Variants in CHODL observed in about 807,000 individuals in gnomAD.
CHODL encodes chondrolectin, also known as transmembrane protein MT75.
In CHODL, 29 loss-of-function variants were observed where a neutral mutation model predicts 34.5. That is an observed-to-expected ratio of 0.84 (90% CI 0.63 to 1.15). The LOEUF (loss-of-function observed/expected upper bound fraction) is 1.15, where lower values mean the gene tolerates loss of function less well. Ranked by LOEUF, CHODL falls within the 50% of genes most tolerant of loss-of-function variation. CHODL has a pLI of 0.00. For missense variants in CHODL, 332 were observed against 332.5 expected (o/e 1.00, Z 0.01); for synonymous variants, 125 against 116.1 (o/e 1.08, Z -0.49).
chr21:18,037,400 A>G (rs1972130542), intron 2 of CHODL, among the ~76,000 whole-genome samples: 1 of 151,900 alleles, frequency 6.6e-6, no homozygotes, highest in Non-Finnish European at 1.5e-5. Context: ...ATAGATCCTA[A>G]AATGGTAGAG....
chr21:18,013,667 C>G (rs2064042610), intron 1 of CHODL, among the ~76,000 whole-genome samples: 1 of 19,178 alleles, frequency 5.2e-5, no homozygotes, highest in African/African-American at 2.8e-4. Context: ...CAGAGTCTTG[C>G]TCTGTTGCCC....
Position 17,956,101 on chromosome 21 carries a change from C to T in CHODL, c.-145+38701C>T, listed in dbSNP as rs1228087934. On this transcript the variant is annotated intron_variant, in intron 1 of 6. Transcript: ENST00000400127. ...ATATAGTTTGAATATTTGTCTGCAT[C>T]CAAATCTCATGTTGAGATGTAATCC... Among the ~76,000 whole-genome samples, 2 of 136,422 alleles carry T rather than the reference C, an allele frequency of 1.5e-5. 1 individual carries two copies. Among genetic ancestry groups the T allele is most frequent in the Non-Finnish European group, 3.3e-5 (2 of 60,070 alleles). The allele number at this position is 136,422 out of a possible 152,430, so 89.5% of individuals were successfully genotyped here.
intron 2 of CHODL, among the ~76,000 whole-genome samples, chr21:18,152,886 G>A (rs999898515): frequency 6.6e-6 from 1 of 152,196 alleles, no homozygotes; most frequent in African/African-American, 2.4e-5. Context: ...TCTGACAGAA[G>A]TTAAGAGAAG....
At chr21:18,258,524 C>A (rs1452383316) in intron 3 of CHODL, among the ~76,000 whole-genome samples, 4 of 152,028 alleles carry the variant, frequency 2.6e-5, no homozygotes, top group Non-Finnish European at 5.9e-5. Flanking sequence ...ATTTAGGACA[C>A]TGTAAATCTT....
chr21:18,130,720 T>C (rs1232127593), intron 2 of CHODL, among the ~76,000 whole-genome samples: 1 of 152,192 alleles, frequency 6.6e-6, no homozygotes, highest in Non-Finnish European at 1.5e-5. Flanking sequence ...ATGTAGGATA[T>C]TACCCCCAAA....
intron 2 of CHODL, among the ~76,000 whole-genome samples, chr21:18,070,978 G>A (rs1005503539): frequency 6.6e-6 from 1 of 151,252 alleles, no homozygotes; most frequent in Non-Finnish European, 1.5e-5. Flanking sequence ...TTCTAAACTA[G>A]TAAATCGCAG....
intron 1 of CHODL, among the ~76,000 whole-genome samples, chr21:18,251,310 G>A (rs976119131): frequency 2.0e-5 from 3 of 149,042 alleles, no homozygotes; most frequent in Non-Finnish European, 4.5e-5. Flanking sequence ...AAATAAAAGG[G>A]CCTGTTTATT....
intron 2 of CHODL, among the ~76,000 whole-genome samples, chr21:18,193,712 AAAATAAATAAAT>A (rs199894126): frequency 2.7e-4 from 37 of 139,340 alleles, no homozygotes; most frequent in East Asian, 6.6e-4. Flanking sequence ...AAAAAAAAAT[AAAATAAATAAAT>A]AAATAAATAA....
chr21:18,073,905 TTA>T (rs1490701857), intron 2 of CHODL, among the ~76,000 whole-genome samples: 12 of 152,132 alleles, frequency 7.9e-5, no homozygotes, highest in Non-Finnish European at 1.8e-4. Flanking sequence ...AAAATAAACT[TTA>T]TTTTTAAAAA....
chr21:18,036,434 C>A (rs1313380380), intron 2 of CHODL, among the ~76,000 whole-genome samples: 1 of 151,992 alleles, frequency 6.6e-6, no homozygotes, highest in Non-Finnish European at 1.5e-5. Flanking sequence ...CGCTCTGGCA[C>A]TCTGCCCTGT....
intron 2 of CHODL, among the ~76,000 whole-genome samples, chr21:18,098,959 T>C (rs2065176053): frequency 6.6e-6 from 1 of 152,068 alleles, no homozygotes; most frequent in Non-Finnish European, 1.5e-5. Flanking sequence ...TTATGTTATG[T>C]AAAACAAGTC....
At chr21:17,938,597 G>A (rs892868299) in intron 1 of CHODL, among the ~76,000 whole-genome samples, 3 of 147,350 alleles carry the variant, frequency 2.0e-5, no homozygotes, top group African/African-American at 7.5e-5. Flanking sequence ...TCCTGCCTCA[G>A]CCTCCTGAGT....
chr21:17,976,983 A>G (rs1434605419), intron 1 of CHODL, among the ~76,000 whole-genome samples: 1 of 152,186 alleles, frequency 6.6e-6, no homozygotes, highest in Non-Finnish European at 1.5e-5. Flanking sequence ...TTCTGCAGCC[A>G]ACTAGCCACA....
At chr21:17,927,116 G>GTATATATGTATATATGTATATATGTA (rs1568801562) in intron 1 of CHODL, among the ~76,000 whole-genome samples, 3 of 133,070 alleles carry the variant, frequency 2.3e-5, no homozygotes, top group African/African-American at 9.4e-5. Context: ...ATGTATATAT[G>GTATATATGTATATATGTATATATGTA]TATATATGTA....
intron 2 of CHODL, among the ~76,000 whole-genome samples, chr21:18,044,676 A>G (rs373123466): frequency 6.6e-6 from 1 of 151,880 alleles, no homozygotes; most frequent in East Asian, 1.9e-4. Context: ...ATCGATTACA[A>G]TATAGTTGAT....
chr21:17,972,761 T>C (rs900298817), intron 1 of CHODL, among the ~76,000 whole-genome samples: 6 of 152,196 alleles, frequency 3.9e-5, no homozygotes, highest in Non-Finnish European at 5.9e-5. Context: ...CAAGCTACCA[T>C]TGGCTGTTTT....
At chr21:18,041,018 T>C (rs1484813366) in intron 2 of CHODL, among the ~76,000 whole-genome samples, 2 of 151,994 alleles carry the variant, frequency 1.3e-5, no homozygotes, top group Non-Finnish European at 2.9e-5. Flanking sequence ...TTTTAAATGC[T>C]CTTTAGCTTG....
intron 2 of CHODL, among the ~76,000 whole-genome samples, chr21:18,174,147 A>ATATATATATATATCTTGG (rs2073272717): frequency 8.3e-6 from 1 of 120,438 alleles, no homozygotes; most frequent in African/African-American, 2.9e-5. Flanking sequence ...ATATATATAT[A>ATATATATATATATCTTGG]TATATATATA....
chr21:18,231,098 T>C (rs1226059933), intron 2 of CHODL, among the ~76,000 whole-genome samples: 2 of 152,080 alleles, frequency 1.3e-5, no homozygotes, highest in Admixed American at 6.6e-5. Flanking sequence ...CTATAGTCCA[T>C]TGGGGAGAAT....
Sources: allele counts gnomAD v4.1 joint callset (sites outside exome capture counted in the v4.1 genomes callset), GRCh38; gene constraint gnomAD v4.1.1; transcripts MANE v1.5; gene names NCBI Gene and HGNC (gene_info 2026-07-23, HGNC 2026-07-21).